Variants in PLEKHM3 observed in about 807,000 individuals in gnomAD.
PLEKHM3 encodes the protein pleckstrin homology domain-containing family M member 3.
PLEKHM3 carries 45 observed loss-of-function variants against 81.8 expected under a neutral mutation model. The ratio of observed to expected loss-of-function variants is 0.55; its 90% CI spans 0.43 to 0.71. PLEKHM3 has a LOEUF of 0.71. Ranked by LOEUF, PLEKHM3 falls within the 30% of genes least tolerant of loss-of-function variation. The probability of loss-of-function intolerance (pLI) is 0.00; values close to 1 mark genes in which losing one functional copy is unlikely to be tolerated. For synonymous variants in PLEKHM3, 352 were observed against 356.4 expected (o/e 0.99, Z 0.14); for missense variants, 788 against 924.3 (o/e 0.85, Z 1.91).
intron 7 of PLEKHM3, among the ~76,000 whole-genome samples, chr2:207,841,383 T>TC (rs1368282315): frequency 7.2e-6 from 1 of 138,308 alleles, no homozygotes. Flanking sequence ...GATAATCGCT[T>TC]CAACCTGGGA....
chr2:207,835,695 A>G (rs189083159), intron 7 of PLEKHM3, among the ~76,000 whole-genome samples: 1 of 152,332 alleles, frequency 6.6e-6, no homozygotes. Context: ...AATAGCTTAT[A>G]TGAACTAGTA....
chr2:207,860,602 C>T lies in PLEKHM3; in HGVS notation c.2108+503G>A, dbSNP rs117897184. Among the ~76,000 whole-genome samples, 97 of 152,324 alleles carry T rather than the reference C, an allele frequency of 6.4e-4. 3 individuals are homozygous for T. The East Asian group carries it at 0.018, about 29-fold the overall frequency. Reference sequence around the variant, plus strand: ...TTAGAAAAATCATCCCACATAAACTCCCATTTTTCTCTCCTTTGGATCCTA... The same window carrying T: ...TTAGAAAAATCATCCCACATAAACTTCCATTTTTCTCTCCTTTGGATCCTA... On this transcript the variant is annotated intron_variant, in intron 7 of 7. Coordinates refer to ENST00000427836, the MANE Select transcript of PLEKHM3 (RefSeq NM_001080475.3).
intron 4 of PLEKHM3, among the ~76,000 whole-genome samples, chr2:207,938,502 T>C (rs1342875476): frequency 1.3e-5 from 2 of 152,232 alleles, no homozygotes; most frequent in African/African-American, 4.8e-5. Flanking sequence ...CAGGCAGATC[T>C]AACAGAACGA....
chr2:207,972,506 G>A (rs1691159840), intron 3 of PLEKHM3, among the ~76,000 whole-genome samples: 1 of 150,654 alleles, frequency 6.6e-6, no homozygotes, highest in Non-Finnish European at 1.5e-5. Flanking sequence ...AGAATCACTT[G>A]AACCCAGGAG....
At chr2:207,877,118 A>T (rs2092563395) in intron 6 of PLEKHM3, among the ~76,000 whole-genome samples, 1 of 152,222 alleles carries the variant, frequency 6.6e-6, no homozygotes, top group Admixed American at 6.5e-5. Context: ...ATGGTTTTGC[A>T]ATAGGAGGGC....
intron 5 of PLEKHM3, among the ~76,000 whole-genome samples, chr2:207,925,152 T>G (rs1053806517): frequency 6.6e-6 from 1 of 151,506 alleles, no homozygotes; most frequent in African/African-American, 2.4e-5. Context: ...TTTTTGTTTT[T>G]TTTTTTTAGT....
In PLEKHM3 at chr2:208,001,670, A is replaced by C; in HGVS notation, c.-31T>G. 1 of 1,578,858 alleles carries C rather than the reference A, an allele frequency of 6.3e-7. No homozygotes were observed. Among genetic ancestry groups the C allele is most frequent in the South Asian group, 1.2e-5 (1 of 85,494 alleles). The stretch of plus-strand genomic sequence containing the variant: ...AGGCTCCAGGAGGCCTTAGCCTCCT[A>C]AGCTGGTTCCAGAAATGGCTTCATG... On this transcript the variant is annotated 5_prime_UTR_variant, in exon 2 of 8. It removes the in-frame stop codon of an upstream open reading frame in the 5' UTR. Transcript: ENST00000427836.
At chr2:207,975,423 A>C (rs1356197784) in intron 3 of PLEKHM3, among the ~76,000 whole-genome samples, 1 of 152,102 alleles carries the variant, frequency 6.6e-6, no homozygotes, top group African/African-American at 2.4e-5. Flanking sequence ...AACATGTTAA[A>C]CCTAATAGAC....
At chr2:207,943,716 AAATT>A (rs1690021141) in intron 4 of PLEKHM3, among the ~76,000 whole-genome samples, 1 of 151,688 alleles carries the variant, frequency 6.6e-6, no homozygotes, top group African/African-American at 2.4e-5. Context: ...AAAATACAAA[AAATT>A]AGCCGGGCGT....
chr2:207,913,703 G>A (rs1490738375), intron 5 of PLEKHM3, among the ~76,000 whole-genome samples: 1 of 150,350 alleles, frequency 6.7e-6, no homozygotes, highest in Non-Finnish European at 1.5e-5. Flanking sequence ...AGCTAAAGAA[G>A]GATGTAGGAC....
intron 6 of PLEKHM3, among the ~76,000 whole-genome samples, chr2:207,881,055 A>G (rs2092589156): frequency 6.6e-6 from 1 of 151,644 alleles, no homozygotes; most frequent in East Asian, 1.9e-4. Flanking sequence ...CCTCTTCTGA[A>G]TTTCTGAATT....
intron 6 of PLEKHM3, among the ~76,000 whole-genome samples, chr2:207,887,355 T>C (rs1048992818): frequency 1.3e-5 from 2 of 152,268 alleles, no homozygotes; most frequent in Non-Finnish European, 2.9e-5. Context: ...GAATGATATA[T>C]TATTGCCTTT....
At chr2:207,948,349 C>CTTTTTTTTT (rs752976462) in intron 3 of PLEKHM3, among the ~76,000 whole-genome samples, 5 of 81,068 alleles carry the variant, frequency 6.2e-5, no homozygotes, top group Admixed American at 1.6e-4. Flanking sequence ...CTCCTCAGAT[C>CTTTTTTTTT]TTTTTTTTTT....
chr2:207,913,655 G>A (rs986072539), intron 5 of PLEKHM3, among the ~76,000 whole-genome samples: 16 of 152,026 alleles, frequency 1.1e-4, no homozygotes, highest in African/African-American at 3.4e-4. Flanking sequence ...ACTCTTTTAC[G>A]AAGTCAACTT....
chr2:207,823,754 T>C lies in PLEKHM3; in HGVS notation c.*4565A>G, dbSNP rs1303503772. 1 of 152,244 alleles carries C rather than the reference T, an allele frequency of 6.6e-6. No homozygotes were observed. The highest frequency in any genetic ancestry group is 2.4e-5 in the African/African-American group (1 of 41,462). The allele number at this position is 152,244 out of a possible 1,614,324, so 9.4% of individuals were successfully genotyped here. A position where few individuals can be genotyped will look rare whatever the true frequency, so the allele number is the denominator to read the frequency against. On this transcript the variant is annotated 3_prime_UTR_variant, in exon 8 of 8. Transcript: ENST00000427836. ...AATCCTGGCCAAGTGGAACCCACTT[T>C]AAATAAAACTGACAACTACCGGTAT...
rs2092257251 is a variant in PLEKHM3, at chr2:207,827,406, T to C, written c.*913A>G. The C allele has an allele frequency of 2.0e-5, 3 of 152,152 alleles. No individual in the cohort carries two copies. The highest frequency in any genetic ancestry group is 1.9e-4 in the East Asian group (1 of 5,172). 9.4% of individuals were successfully genotyped at this position (152,152 alleles called of 1,614,324 possible). On this transcript the variant is annotated 3_prime_UTR_variant, in exon 8 of 8. Coordinates refer to ENST00000427836, the MANE Select transcript of PLEKHM3 (RefSeq NM_001080475.3). ...CCTTATCTACCAGTCTACACGACGA[T>C]GTCTTTAACAACCACCCCAGGACAT...
chr2:207,931,163 C>T lies in PLEKHM3; in HGVS notation c.1693-44G>A, dbSNP rs753409453. On this transcript the variant is annotated intron_variant, in intron 4 of 7. Transcript: ENST00000427836. Reference sequence around the variant, plus strand: ...CAGTCAGTCCTGGAGAAGCACCTGGCTCTCCACACCTGCTCAAACTAGGAA... The same window carrying T: ...CAGTCAGTCCTGGAGAAGCACCTGGTTCTCCACACCTGCTCAAACTAGGAA... The T allele has an allele frequency of 9.3e-6, 14 of 1,510,082 alleles. No homozygotes were observed. The African/African-American group carries it at 1.8e-4, about 20-fold the overall frequency. 93.5% of individuals were successfully genotyped at this position (1,510,082 alleles called of 1,614,324 possible). A position where few individuals can be genotyped will look rare whatever the true frequency, so the allele number is the denominator to read the frequency against.
intron 6 of PLEKHM3, among the ~76,000 whole-genome samples, chr2:207,897,252 C>T (rs1688256480): frequency 6.6e-6 from 1 of 152,142 alleles, no homozygotes; most frequent in Non-Finnish European, 1.5e-5. Context: ...AGGGGGAAAA[C>T]TGAGACATAG....
rs556207879 is a variant in PLEKHM3, at chr2:208,020,276, T to A, written c.-319+5113A>T. ...CTACCATGGTCATAAATGTGGCATA[T>A]AATTGAAGGATTCTATTTGAACCAC... On this transcript the variant is annotated intron_variant, in intron 1 of 7. Coordinates refer to ENST00000427836, the MANE Select transcript of PLEKHM3 (RefSeq NM_001080475.3). 2.6e-5 allele frequency among the ~76,000 whole-genome samples: 4 copies of A among 152,372 alleles called. No individual in the cohort carries two copies. The South Asian group carries it at 8.3e-4, about 32-fold the overall frequency.
Sources: gnomAD v4.1 joint callset for allele counts (sites outside exome capture counted in the v4.1 genomes callset) on GRCh38, gnomAD v4.1.1 for gene constraint, MANE v1.5 for transcripts, NCBI Gene and HGNC (gene_info 2026-07-23, HGNC 2026-07-21) for gene names.